SLC24A4: variants seen among roughly 807,000 people sequenced by gnomAD.
The protein encoded by SLC24A4 is solute carrier family 24 member 4.
A neutral mutation model predicts 79.0 loss-of-function variants in SLC24A4; 53 were observed. The ratio of observed to expected loss-of-function variants is 0.67; its 90% CI spans 0.54 to 0.84. The LOEUF is 0.84. SLC24A4 is among the 40% of genes least tolerant of loss of function. The probability of loss-of-function intolerance (pLI) is 0.00; values close to 1 mark genes in which losing one functional copy is unlikely to be tolerated. For missense variants in SLC24A4, 731 were observed against 822.0 expected (o/e 0.89, Z 1.35); for synonymous variants, 323 against 323.8 (o/e 1.00, Z 0.03).
chr14:92,458,616 G>T (rs1053422086), intron 12 of SLC24A4, among the ~76,000 whole-genome samples: 1 of 152,194 alleles, frequency 6.6e-6, no homozygotes, highest in South Asian at 2.1e-4. Flanking sequence ...ATGGCAGGGC[G>T]CTGGGAGGGC....
intron 12 of SLC24A4, chr14:92,462,181 C>T (rs1893852726): frequency 6.6e-6 from 1 of 152,196 alleles, no homozygotes; most frequent in Non-Finnish European, 1.5e-5. Flanking sequence ...AGCAGAGTCC[C>T]AAAGCACCAG....
At chr14:92,342,466 C>G (rs1345137057) in intron 2 of SLC24A4, among the ~76,000 whole-genome samples, 1 of 152,070 alleles carries the variant, frequency 6.6e-6, no homozygotes, top group Non-Finnish European at 1.5e-5. Context: ...TCACTGCAAC[C>G]TCTGCCTCCC....
At chr14:92,426,121 C>T (rs985661420) in intron 2 of SLC24A4, among the ~76,000 whole-genome samples, 4 of 151,986 alleles carry the variant, frequency 2.6e-5, no homozygotes, top group African/African-American at 9.7e-5. Flanking sequence ...AAATATGGGG[C>T]CCTAAATCAA....
chr14:92,400,915 C>T (rs75650997), intron 2 of SLC24A4, among the ~76,000 whole-genome samples: 3,321 of 152,100 alleles, frequency 0.022, 45 homozygotes, highest in Non-Finnish European at 0.033. Flanking sequence ...GAGTTACTGA[C>T]GAAAGGCAGA....
chr14:92,341,791 G>C (rs573654710), intron 2 of SLC24A4, among the ~76,000 whole-genome samples: 1 of 152,220 alleles, frequency 6.6e-6, no homozygotes, highest in Non-Finnish European at 1.5e-5. Context: ...AGATGATTCC[G>C]TGCTGGCAGC....
At chr14:92,333,105 T>C (rs183788065) in intron 2 of SLC24A4, among the ~76,000 whole-genome samples, 1 of 152,022 alleles carries the variant, frequency 6.6e-6, no homozygotes, top group African/African-American at 2.4e-5. Context: ...GTTTAAAAAA[T>C]TTTTTTTGGA....
chr14:92,459,562 C>T (rs747698458), intron 12 of SLC24A4, among the ~76,000 whole-genome samples: 8 of 152,162 alleles, frequency 5.3e-5, no homozygotes, highest in African/African-American at 9.7e-5. Flanking sequence ...TTCCTCTGTG[C>T]GAGTGTCCTC....
At chr14:92,339,089 A>G (rs1885978385) in intron 2 of SLC24A4, among the ~76,000 whole-genome samples, 1 of 152,178 alleles carries the variant, frequency 6.6e-6, no homozygotes, top group South Asian at 2.1e-4. Flanking sequence ...GTTAAGTGTT[A>G]GAGCTCAAAG....
chr14:92,453,550 T>G, intron 10 of SLC24A4: 2 of 195,738 alleles, frequency 1.0e-5, no homozygotes, highest in Non-Finnish European at 1.0e-5. Flanking sequence ...CCCGTGTGTA[T>G]TGTAGGTTGG....
intron 2 of SLC24A4, among the ~76,000 whole-genome samples, chr14:92,392,386 G>T (rs1889523829): frequency 6.6e-6 from 1 of 151,862 alleles, no homozygotes; most frequent in Non-Finnish European, 1.5e-5. Context: ...GAGCCTCGGG[G>T]TTTTTATCTG....
intron 12 of SLC24A4, among the ~76,000 whole-genome samples, chr14:92,479,989 T>A (rs1894969665): frequency 6.6e-6 from 1 of 152,170 alleles, no homozygotes; most frequent in Admixed American, 6.5e-5. Context: ...AATAGTTTGT[T>A]TTATTTTTGT....
intron 2 of SLC24A4, among the ~76,000 whole-genome samples, chr14:92,338,446 A>G (rs1357493751): frequency 6.6e-6 from 1 of 152,248 alleles, no homozygotes; most frequent in Non-Finnish European, 1.5e-5. Context: ...GAATTGATCT[A>G]TAAAATCATG....
At chr14:92,384,601 G>A (rs10132963) in intron 2 of SLC24A4, among the ~76,000 whole-genome samples, 10,549 of 152,076 alleles carry the variant, frequency 0.069, 974 homozygotes, top group African/African-American at 0.21. Context: ...AGGAAAAGGC[G>A]GCAAGTTCAG....
At chr14:92,488,369 G>C (rs1293494736) in intron 14 of SLC24A4, among the ~76,000 whole-genome samples, 2 of 152,160 alleles carry the variant, frequency 1.3e-5, no homozygotes, top group Non-Finnish European at 2.9e-5. Flanking sequence ...ACTGCACCCA[G>C]CAGACTTCCT....
chr14:92,355,261 G>C (rs572704451), intron 2 of SLC24A4, among the ~76,000 whole-genome samples: 24 of 152,284 alleles, frequency 1.6e-4, no homozygotes, highest in Non-Finnish European at 3.1e-4. Context: ...GCCTGTAGAC[G>C]TGGGGACAAG....
chr14:92,351,236 G>GCACA (rs1555360939), intron 2 of SLC24A4, among the ~76,000 whole-genome samples: 31 of 147,070 alleles, frequency 2.1e-4, no homozygotes, highest in African/African-American at 3.3e-4. Context: ...ACACATACAC[G>GCACA]CACACACACA....
chr14:92,357,936 T>C (rs1171708215), intron 2 of SLC24A4, among the ~76,000 whole-genome samples: 2 of 152,220 alleles, frequency 1.3e-5, no homozygotes, highest in Non-Finnish European at 2.9e-5. Flanking sequence ...CTGCCTTTGG[T>C]GGGATGAAAA....
Position 92,500,290 on chromosome 14 carries a change from G to C in SLC24A4, c.*6662G>C, listed in dbSNP as rs1196723636. The C allele has an allele frequency of 6.6e-6, 1 of 152,168 alleles. No homozygotes were observed. Among genetic ancestry groups the C allele is most frequent in the African/African-American group, 2.4e-5 (1 of 41,452 alleles). 9.4% of individuals were successfully genotyped at this position (152,168 alleles called of 1,614,324 possible). On this transcript the variant is annotated 3_prime_UTR_variant, in exon 17 of 17. Transcript: ENST00000532405. ...TCAAGAGAGGGAATGTGCAGCTTTT[G>C]GTTTCTAGATGCATGGTTTGGTGTG...
intron 12 of SLC24A4, among the ~76,000 whole-genome samples, chr14:92,458,307 G>A (rs1270881829): frequency 6.6e-6 from 1 of 152,214 alleles, no homozygotes; most frequent in African/African-American, 2.4e-5. Flanking sequence ...GAGGAGCCCA[G>A]CCCAGGGGTT....
Sources: gnomAD v4.1 joint callset for allele counts (sites outside exome capture counted in the v4.1 genomes callset) on GRCh38, gnomAD v4.1.1 for gene constraint, MANE v1.5 for transcripts, NCBI Gene and HGNC (gene_info 2026-07-23, HGNC 2026-07-21) for gene names.